The following MTHFD2L variants were observed in gnomAD, a reference collection of about 807,000 sequenced individuals.
The protein encoded by MTHFD2L is methylenetetrahydrofolate dehydrogenase (NADP+ dependent) 2 like.
MTHFD2L carries 29 observed loss-of-function variants against 34.9 expected under a neutral mutation model. The ratio of observed to expected loss-of-function variants is 0.83; its 90% CI spans 0.62 to 1.13. MTHFD2L has a LOEUF of 1.13. Among genes scored for constraint, MTHFD2L ranks in the 50% most tolerant of loss-of-function variants. The pLI is 0.00. For missense variants in MTHFD2L, 481 were observed against 446.5 expected (o/e 1.08, Z -0.70); for synonymous variants, 167 against 155.7 (o/e 1.07, Z -0.54).
At chr4:74,211,611 T>C (rs1026078697) in intron 5 of MTHFD2L, among the ~76,000 whole-genome samples, 1 of 152,238 alleles carries the variant, frequency 6.6e-6, no homozygotes, top group African/African-American at 2.4e-5. Flanking sequence ...GACTTTCACA[T>C]TGATGTTAAT....
chr4:74,173,020 G>A (rs1329587434), intron 1 of MTHFD2L, among the ~76,000 whole-genome samples: 2 of 151,986 alleles, frequency 1.3e-5, no homozygotes, highest in East Asian at 1.9e-4. Flanking sequence ...GTTTATAAGG[G>A]CTTCCTTTCC....
chr4:74,192,770 T>G (rs1732778120), intron 3 of MTHFD2L, among the ~76,000 whole-genome samples: 1 of 152,054 alleles, frequency 6.6e-6, no homozygotes, highest in Non-Finnish European at 1.5e-5. Context: ...TATTTTAAAA[T>G]GTTATTTATT....
At chr4:74,296,542 A>G (rs746798579) in intron 7 of MTHFD2L, among the ~76,000 whole-genome samples, 1 of 152,124 alleles carries the variant, frequency 6.6e-6, no homozygotes, top group Non-Finnish European at 1.5e-5. Flanking sequence ...AACCGTTTGC[A>G]CATTGGGGTT....
chr4:74,247,963 C>A (rs1180834790), intron 6 of MTHFD2L, among the ~76,000 whole-genome samples: 1 of 151,974 alleles, frequency 6.6e-6, no homozygotes, highest in Non-Finnish European at 1.5e-5. Flanking sequence ...TGTCTCTGCC[C>A]GGCTTTGGTG....
intron 6 of MTHFD2L, among the ~76,000 whole-genome samples, chr4:74,243,575 T>A (rs1742006740): frequency 6.6e-6 from 1 of 152,212 alleles, no homozygotes; most frequent in Admixed American, 6.5e-5. Context: ...TTTTTTTACT[T>A]TAAAAAATTA....
intron 3 of MTHFD2L, chr4:74,180,709 A>G (rs1560455277): frequency 4.4e-6 from 2 of 455,058 alleles, no homozygotes; most frequent in South Asian, 1.6e-5. Context: ...TTTGTTCAGG[A>G]TTTGAAATGC....
chr4:74,288,340 T>A (rs1748460764), intron 7 of MTHFD2L: 1 of 152,150 alleles, frequency 6.6e-6, no homozygotes. Flanking sequence ...AAAATCCATC[T>A]TTAATAAAAT....
At chr4:74,130,202 T>C (rs1722377022) in intron 1 of MTHFD2L, among the ~76,000 whole-genome samples, 1 of 151,646 alleles carries the variant, frequency 6.6e-6, no homozygotes, top group Non-Finnish European at 1.5e-5. Context: ...TTCCAAACAA[T>C]AGAAAAAGAG....
chr4:74,261,951 A>C (rs1744731306), intron 6 of MTHFD2L, among the ~76,000 whole-genome samples: 1 of 152,070 alleles, frequency 6.6e-6, no homozygotes, highest in Admixed American at 6.6e-5. Context: ...TGACTGACTC[A>C]ACAAATGTTA....
At chr4:74,175,911 T>C (rs1341439370) in intron 3 of MTHFD2L, among the ~76,000 whole-genome samples, 7 of 152,110 alleles carry the variant, frequency 4.6e-5, no homozygotes, top group Admixed American at 2.6e-4. Flanking sequence ...GAGCAGTGTT[T>C]GTCTTCTGTC....
intron 6 of MTHFD2L, among the ~76,000 whole-genome samples, chr4:74,261,884 C>T (rs1744721879): frequency 6.6e-6 from 1 of 152,120 alleles, no homozygotes; most frequent in East Asian, 1.9e-4. Context: ...ATAACATCTA[C>T]ATCATATATT....
chr4:74,116,434 AGAGT>A (rs1304242049), intron 2 of MTHFD2L, among the ~76,000 whole-genome samples: 1 of 152,216 alleles, frequency 6.6e-6, no homozygotes, highest in Non-Finnish European at 1.5e-5. Context: ...AAATAAAGTC[AGAGT>A]GAGAGAAAAA....
rs1011476881 is a variant in MTHFD2L, at chr4:74,158,153, C to G, written c.15C>G (p.Val5=). 1.3e-6 allele frequency: 2 copies of G among 1,530,646 alleles called. No homozygotes were observed. The highest frequency in any genetic ancestry group is 4.0e-5 in the Admixed American group (2 of 49,676). 94.8% of individuals were successfully genotyped at this position (1,530,646 alleles called of 1,614,324 possible). The change falls in exon 1 of 8, where the codon GTC becomes GTG. Residue 5 remains valine (V), a synonymous_variant. Coordinates refer to ENST00000325278, the MANE Select transcript of MTHFD2L (RefSeq NM_001144978.3). MTVP[V]RGFSLLRGRL... Reference sequence around the variant, plus strand: ...GATCCGCGGCCATGACGGTGCCGGTCCGCGGCTTCTCGCTGCTCCGCGGCC... The same window carrying G: ...GATCCGCGGCCATGACGGTGCCGGTGCGCGGCTTCTCGCTGCTCCGCGGCC...
chr4:74,201,981 C>T (rs1287577026), intron 5 of MTHFD2L, among the ~76,000 whole-genome samples: 1 of 152,104 alleles, frequency 6.6e-6, no homozygotes, highest in Non-Finnish European at 1.5e-5. Context: ...AATAGCTCCC[C>T]AGAAATTTGC....
intron 7 of MTHFD2L, among the ~76,000 whole-genome samples, chr4:74,299,832 G>A (rs1397233042): frequency 6.6e-6 from 1 of 151,988 alleles, no homozygotes; most frequent in Non-Finnish European, 1.5e-5. Flanking sequence ...AGTGCACAGT[G>A]TCTTAAGTTC....
At chr4:74,135,627 G>C (rs1397946529) in intron 1 of MTHFD2L, among the ~76,000 whole-genome samples, 1 of 151,984 alleles carries the variant, frequency 6.6e-6, no homozygotes, top group African/African-American at 2.4e-5. Context: ...AAAGAGGAGA[G>C]AGGGAATACT....
intron 5 of MTHFD2L, among the ~76,000 whole-genome samples, chr4:74,202,604 T>C (rs766756358): frequency 1.3e-5 from 2 of 152,224 alleles, no homozygotes; most frequent in Non-Finnish European, 2.9e-5. Flanking sequence ...TATCACTGTC[T>C]GCTAAATTCT....
At chr4:74,292,607 A>G (rs1303578008) in intron 7 of MTHFD2L, among the ~76,000 whole-genome samples, 1 of 152,170 alleles carries the variant, frequency 6.6e-6, no homozygotes, top group African/African-American at 2.4e-5. Context: ...GGAGACAATG[A>G]CAAGAGTGTA....
At chr4:74,173,155 CAG>C (rs1177401510) in intron 1 of MTHFD2L, among the ~76,000 whole-genome samples, 3 of 152,002 alleles carry the variant, frequency 2.0e-5, no homozygotes, top group Non-Finnish European at 2.9e-5. Flanking sequence ...AATGAAAGGA[CAG>C]GGGCAGAAGG....
Sources: allele counts gnomAD v4.1 joint callset (sites outside exome capture counted in the v4.1 genomes callset), GRCh38; gene constraint gnomAD v4.1.1; transcripts MANE v1.5; gene names NCBI Gene and HGNC (gene_info 2026-07-23, HGNC 2026-07-21).